The following SLC38A1 variants were observed in gnomAD, a reference collection of about 807,000 sequenced individuals.
The protein encoded by SLC38A1 is solute carrier family 38 member 1.
Under a neutral mutation model 60.3 loss-of-function variants are expected in SLC38A1, and 18 were observed. The observed-to-expected ratio is 0.30, with a 90% CI of 0.21 to 0.44. SLC38A1 has a LOEUF of 0.44. Ranked by LOEUF, SLC38A1 falls within the 20% of genes least tolerant of loss-of-function variation. The probability of loss-of-function intolerance (pLI) is 1.00; values close to 1 mark genes in which losing one functional copy is unlikely to be tolerated. For missense variants in SLC38A1, 448 were observed against 587.2 expected (o/e 0.76, Z 2.45); for synonymous variants, 196 against 212.1 (o/e 0.92, Z 0.66).
At chr12:46,229,058 C>A in intron 5 of SLC38A1, 95 bp downstream of exon 5, 1 of 682,698 alleles carries the variant, frequency 1.5e-6, no homozygotes, top group South Asian at 2.4e-5. Context: ...AATAAAAAAA[C>A]TATTTATAAA....
chr12:46,235,809 C>T (rs1027576735), intron 3 of SLC38A1, among the ~76,000 whole-genome samples: 10 of 152,166 alleles, frequency 6.6e-5, no homozygotes, highest in African/African-American at 2.4e-4. Context: ...GAAAAAATCT[C>T]AAATTTTGTT....
intron 16 of SLC38A1, among the ~76,000 whole-genome samples, chr12:46,192,713 T>C (rs1483735775): frequency 6.6e-6 from 1 of 152,234 alleles, no homozygotes; most frequent in Non-Finnish European, 1.5e-5. Context: ...TTCTAGTTTA[T>C]TTGTGTAGAG....
intron 5 of SLC38A1, among the ~76,000 whole-genome samples, chr12:46,221,208 G>C (rs1173600021): frequency 1.3e-5 from 2 of 152,192 alleles, no homozygotes; most frequent in East Asian, 3.8e-4. Context: ...CAGACAGAGA[G>C]ACAGGGAGGG....
At chr12:46,222,232 T>G (rs567998611) in intron 5 of SLC38A1, among the ~76,000 whole-genome samples, 2 of 152,232 alleles carry the variant, frequency 1.3e-5, no homozygotes, top group Non-Finnish European at 2.9e-5. Flanking sequence ...AAAACCAATT[T>G]TTTCAACTAG....
At chr12:46,237,144 C>G (rs1941287333) in intron 3 of SLC38A1, among the ~76,000 whole-genome samples, 1 of 152,182 alleles carries the variant, frequency 6.6e-6, no homozygotes, top group South Asian at 2.1e-4. Context: ...AGTAACACAC[C>G]ATCAATGTTT....
intron 1 of SLC38A1, among the ~76,000 whole-genome samples, chr12:46,248,638 C>G (rs1941712641): frequency 6.6e-6 from 1 of 152,126 alleles, no homozygotes; most frequent in Non-Finnish European, 1.5e-5. Context: ...CAAGGATATC[C>G]AAGACTTGAA....
At chr12:46,241,343 T>A (rs1941440846) in intron 2 of SLC38A1, among the ~76,000 whole-genome samples, 1 of 152,216 alleles carries the variant, frequency 6.6e-6, no homozygotes, top group South Asian at 2.1e-4. Context: ...CTTAGAATGA[T>A]AACTTTTCCA....
chr12:46,203,940 A>G (rs1268439359), intron 11 of SLC38A1, among the ~76,000 whole-genome samples: 1 of 152,220 alleles, frequency 6.6e-6, no homozygotes, highest in Non-Finnish European at 1.5e-5. Context: ...GGTGGCATCT[A>G]TATTTCAACT....
rs775149304 is a variant in SLC38A1, at chr12:46,206,128, T to C, written c.598A>G (p.Ile200Val). 5.0e-6 allele frequency: 8 copies of C among 1,612,174 alleles called. No individual in the cohort carries two copies. The South Asian group carries it at 8.8e-5, about 18-fold the overall frequency. Reference protein sequence around the residue: ...WYVDGRVLVVIVTFGIILPLC... With the variant: ...WYVDGRVLVVVVTFGIILPLC... ...GGGAGAATTATGCCAAAGGTAACTATCACCACCAGAACGCGGCCATCCACG... is the reference window on the plus strand; with the variant it reads ...GGGAGAATTATGCCAAAGGTAACTACCACCACCAGAACGCGGCCATCCACG... Residue 200 changes from isoleucine to valine, a missense_variant, in exon 9 of 17, where the codon ATA becomes GTA. Physicochemically the swap from Ile to Val is conservative, Grantham distance 29. Transcript: ENST00000398637.
chr12:46,228,327 A>T (rs1244852511), intron 5 of SLC38A1, among the ~76,000 whole-genome samples: 1 of 152,204 alleles, frequency 6.6e-6, no homozygotes, highest in African/African-American at 2.4e-5. Context: ...TAGGATTAGT[A>T]ACCATTTCGG....
At chr12:46,221,425 A>C (rs60679059) in intron 5 of SLC38A1, among the ~76,000 whole-genome samples, 7,981 of 152,298 alleles carry the variant, frequency 0.052, 416 homozygotes, top group East Asian at 0.31. Flanking sequence ...TTCCTAGGAA[A>C]GTAGACAATG....
At chr12:46,210,884 T>C (rs1361309861) in intron 5 of SLC38A1, among the ~76,000 whole-genome samples, 1 of 152,140 alleles carries the variant, frequency 6.6e-6, no homozygotes, top group Non-Finnish European at 1.5e-5. Context: ...ATCAGGAGCA[T>C]GAAAATGGAC....
At chr12:46,197,879 G>T in intron 15 of SLC38A1, 40 bp downstream of exon 15, 1 of 1,607,178 alleles carries the variant, frequency 6.2e-7, no homozygotes, top group Non-Finnish European at 8.5e-7. Flanking sequence ...CCTGCAAACA[G>T]CTACTGTAGA....
Position 46,198,031 on chromosome 12 carries a change from C to A in SLC38A1, c.1152G>T (p.Lys384Asn), listed in dbSNP as rs1231210116. The A allele has an allele frequency of 6.2e-7, 1 of 1,613,896 alleles. No individual in the cohort carries two copies. Among genetic ancestry groups the A allele is most frequent in the Admixed American group, 1.7e-5 (1 of 59,970 alleles). ...TVRSSLFELAKKTKFNLCRHT... is the reference protein window; with the variant it reads ...TVRSSLFELANKTKFNLCRHT... ...GACGACATAAATTAAACTTTGTTTT[C>A]TTAGCCAGTTCAAATAAAGATGAAC... The change falls in exon 15 of 17, where the codon AAG becomes AAT. Residue 384 changes from lysine (K) to asparagine (N), a missense_variant. Coordinates refer to ENST00000398637, the MANE Select transcript of SLC38A1 (RefSeq NM_030674.4).
intron 8 of SLC38A1, among the ~76,000 whole-genome samples, chr12:46,206,453 C>T (rs1939907390): frequency 1.3e-5 from 2 of 151,940 alleles, no homozygotes; most frequent in South Asian, 4.1e-4. Flanking sequence ...TGAATGCACA[C>T]ATTTCATTCT....
chr12:46,195,456 G>A (rs1939328279), intron 16 of SLC38A1, among the ~76,000 whole-genome samples: 2 of 152,192 alleles, frequency 1.3e-5, no homozygotes, highest in Non-Finnish European at 1.5e-5. Context: ...CATGCTGAGA[G>A]AACCATTGCT....
At chr12:46,259,581 G>A (rs1227266060) in intron 1 of SLC38A1, among the ~76,000 whole-genome samples, 1 of 152,134 alleles carries the variant, frequency 6.6e-6, no homozygotes, top group Admixed American at 6.5e-5. Context: ...AAAAATTAAA[G>A]CCGATCATCA....
chr12:46,232,647 A>T (rs1236114022), intron 3 of SLC38A1, among the ~76,000 whole-genome samples: 1 of 152,210 alleles, frequency 6.6e-6, no homozygotes, highest in Non-Finnish European at 1.5e-5. Flanking sequence ...AAAATATTTA[A>T]GTGTTGTTGT....
intron 5 of SLC38A1, among the ~76,000 whole-genome samples, chr12:46,217,423 C>T (rs753913346): frequency 1.6e-4 from 25 of 152,228 alleles, no homozygotes; most frequent in Middle Eastern, 3.4e-3. Context: ...CTGAACACTC[C>T]GAACAGAGAG....
Sources: allele counts gnomAD v4.1 joint callset (sites outside exome capture counted in the v4.1 genomes callset), GRCh38; gene constraint gnomAD v4.1.1; transcripts MANE v1.5; gene names NCBI Gene and HGNC (gene_info 2026-07-23, HGNC 2026-07-21).